The following HIVEP2 variants were observed in gnomAD, a reference collection of about 807,000 sequenced individuals.
The protein encoded by HIVEP2 is HIVEP zinc finger 2, also known as transcription factor HIVEP2.
Under a neutral mutation model 180.7 loss-of-function variants are expected in HIVEP2, and 14 were observed. The observed-to-expected ratio is 0.08, with a 90% CI of 0.05 to 0.12. The LOEUF (loss-of-function observed/expected upper bound fraction) is 0.12, where lower values mean the gene tolerates loss of function less well. Ranked by LOEUF, HIVEP2 falls within the 10% of genes least tolerant of loss-of-function variation. HIVEP2 has a pLI of 1.00. For missense variants in HIVEP2, 2,579 were observed against 3,008.5 expected (o/e 0.86, Z 3.34); for synonymous variants, 1,184 against 1,136.4 (o/e 1.04, Z -0.84).
intron 2 of HIVEP2, among the ~76,000 whole-genome samples, chr6:142,789,449 G>A (rs1004652755): frequency 6.6e-6 from 1 of 152,168 alleles, no homozygotes; most frequent in African/African-American, 2.4e-5. Flanking sequence ...GATTTTAGGA[G>A]CAAATATATG....
chr6:142,809,876 G>A (rs1776646238), intron 2 of HIVEP2, among the ~76,000 whole-genome samples: 1 of 152,184 alleles, frequency 6.6e-6, no homozygotes, highest in Admixed American at 6.5e-5. Flanking sequence ...TTACAGGCAT[G>A]AGCCACTGTG....
chr6:142,863,756 T>C (rs1005013025), intron 1 of HIVEP2, among the ~76,000 whole-genome samples: 1 of 152,218 alleles, frequency 6.6e-6, no homozygotes, highest in Non-Finnish European at 1.5e-5. Flanking sequence ...TTGAGGTCCC[T>C]GCTCTGTATG....
At chr6:142,811,450 A>T (rs1776696014) in intron 2 of HIVEP2, among the ~76,000 whole-genome samples, 1 of 152,082 alleles carries the variant, frequency 6.6e-6, no homozygotes, top group African/African-American at 2.4e-5. Context: ...CATCTTCTAA[A>T]CCCTATCATT....
At chr6:142,854,532 A>T (rs1384404554) in intron 1 of HIVEP2, among the ~76,000 whole-genome samples, 2 of 152,204 alleles carry the variant, frequency 1.3e-5, no homozygotes, top group African/African-American at 4.8e-5. Context: ...CTACAAAAAA[A>T]CCCATAGTAT....
chr6:142,827,011 T>G (rs1774921558), intron 2 of HIVEP2, among the ~76,000 whole-genome samples: 1 of 152,172 alleles, frequency 6.6e-6, no homozygotes, highest in South Asian at 2.1e-4. Context: ...ACACGCTCAC[T>G]CTCCATACTC....
Position 142,773,346 on chromosome 6 carries a change from T to C in HIVEP2, c.1393A>G (p.Arg465Gly). Residue 465 changes from arginine to glycine, a missense_variant, in exon 5 of 10, where the codon AGG (arginine) becomes GGG (glycine). This residue lies in a region of HIVEP2 where 524 missense variants were observed against 563.6 expected (regional missense o/e 0.93). Coordinates refer to ENST00000367603, the MANE Select transcript of HIVEP2 (RefSeq NM_006734.4). ...TCTTCAAACATCTTGACATCTAACC[T>C]GGTGTTAACGTGAGGTAATGGTTCC... ...IMEPLPHVNTRLDVKMFEDPV... is the reference protein window; with the variant it reads ...IMEPLPHVNTGLDVKMFEDPV... The C allele has an allele frequency of 6.2e-7, 1 of 1,614,208 alleles. No homozygotes were observed. Among genetic ancestry groups the C allele is most frequent in the Non-Finnish European group, 8.5e-7 (1 of 1,180,026 alleles).
intron 1 of HIVEP2, among the ~76,000 whole-genome samples, chr6:142,910,671 G>A (rs1777379426): frequency 1.3e-5 from 2 of 152,206 alleles, no homozygotes; most frequent in African/African-American, 4.8e-5. Flanking sequence ...CTGCTTAGAA[G>A]CAAGATCCCT....
chr6:142,827,739 T>C (rs1774952473), intron 2 of HIVEP2, among the ~76,000 whole-genome samples: 1 of 152,138 alleles, frequency 6.6e-6, no homozygotes, highest in Admixed American at 6.5e-5. Flanking sequence ...AGTGTGGAGA[T>C]CTTTTAATTG....
chr6:142,899,359 T>G (rs905854965), intron 1 of HIVEP2, among the ~76,000 whole-genome samples: 3 of 152,202 alleles, frequency 2.0e-5, no homozygotes, highest in Non-Finnish European at 4.4e-5. Flanking sequence ...CTGCATTGCT[T>G]TCATGTCACA....
chr6:142,817,314 A>G (rs9403406), intron 2 of HIVEP2, among the ~76,000 whole-genome samples: 1 of 152,336 alleles, frequency 6.6e-6, no homozygotes, highest in East Asian at 1.9e-4. Flanking sequence ...ACACACTTTC[A>G]GTTCTAGGCT....
intron 1 of HIVEP2, among the ~76,000 whole-genome samples, chr6:142,874,161 C>T (rs1474997609): frequency 6.6e-6 from 1 of 152,150 alleles, no homozygotes; most frequent in African/African-American, 2.4e-5. Context: ...AAATTAAAAA[C>T]TCAAGTTTTT....
intron 1 of HIVEP2, among the ~76,000 whole-genome samples, chr6:142,913,963 A>T (rs1383642231): frequency 1.3e-5 from 2 of 152,158 alleles, no homozygotes; most frequent in African/African-American, 4.8e-5. Context: ...CGCAAAACTC[A>T]GTCAGGTTAG....
intron 3 of HIVEP2, among the ~76,000 whole-genome samples, chr6:142,782,098 T>C (rs1775874672): frequency 6.6e-6 from 1 of 152,200 alleles, no homozygotes; most frequent in African/African-American, 2.4e-5. Context: ...ATTTTAATAA[T>C]AAAACATTTT....
chr6:142,800,775 T>C (rs1776384896), intron 2 of HIVEP2, among the ~76,000 whole-genome samples: 1 of 152,154 alleles, frequency 6.6e-6, no homozygotes, highest in Non-Finnish European at 1.5e-5. Context: ...GGCTCTATTA[T>C]ATAAAACTGG....
chr6:142,759,304 A>G (rs1340008262), intron 9 of HIVEP2, among the ~76,000 whole-genome samples: 2 of 152,068 alleles, frequency 1.3e-5, no homozygotes, highest in East Asian at 1.9e-4. Flanking sequence ...CCCTGTCTCA[A>G]AAAAAATAAA....
intron 2 of HIVEP2, among the ~76,000 whole-genome samples, chr6:142,788,760 A>G (rs1776069165): frequency 6.6e-6 from 1 of 152,084 alleles, no homozygotes; most frequent in Non-Finnish European, 1.5e-5. Context: ...AAACAAACGA[A>G]GAGCTCAGAG....
At chr6:142,907,224 A>C (rs756823015) in intron 1 of HIVEP2, among the ~76,000 whole-genome samples, 2 of 152,190 alleles carry the variant, frequency 1.3e-5, no homozygotes, top group Non-Finnish European at 2.9e-5. Context: ...ATTGTACTAC[A>C]TCCATTATTT....
intron 2 of HIVEP2, among the ~76,000 whole-genome samples, chr6:142,830,189 T>A (rs1775039510): frequency 6.6e-6 from 1 of 151,078 alleles, no homozygotes; most frequent in African/African-American, 2.4e-5. Flanking sequence ...TGCCTAGTAC[T>A]TTTTTTTTAA....
chr6:142,908,677 A>G (rs990322072), intron 1 of HIVEP2, among the ~76,000 whole-genome samples: 1 of 152,134 alleles, frequency 6.6e-6, no homozygotes, highest in Non-Finnish European at 1.5e-5. Context: ...ACCAAGAACT[A>G]AATTTGGATA....
Sources: allele counts gnomAD v4.1 joint callset (sites outside exome capture counted in the v4.1 genomes callset), GRCh38; gene constraint gnomAD v4.1.1; regional missense constraint gnomAD v4.1.1; transcripts MANE v1.5; gene names NCBI Gene and HGNC (gene_info 2026-07-23, HGNC 2026-07-21).